Variants in DNPEP observed in about 807,000 individuals in gnomAD.
DNPEP encodes the protein aspartyl aminopeptidase.
In DNPEP, 46 loss-of-function variants were observed where a neutral mutation model predicts 59.1. The observed-to-expected ratio is 0.78, with a 90% CI of 0.61 to 0.99. The LOEUF (loss-of-function observed/expected upper bound fraction) is 0.99. DNPEP is among the 50% of genes least tolerant of loss of function. The pLI, the probability that DNPEP is intolerant of heterozygous loss-of-function variation, is 0.00. For synonymous variants in DNPEP, 229 were observed against 242.2 expected, an observed-to-expected ratio of 0.95 and a Z score of 0.50; for missense variants, 617 against 649.9, an observed-to-expected ratio of 0.95 and a Z score of 0.55.
rs920796528 is a variant in DNPEP, at chr2:219,373,927, G to C, written c.*365C>G. The C allele has an allele frequency of 5.4e-5, 13 of 241,496 alleles. No homozygotes were observed. Among genetic ancestry groups the C allele is most frequent in the Non-Finnish European group, 8.9e-5 (11 of 123,182 alleles). The allele number at this position is 241,496 out of a possible 1,614,324, so 15.0% of individuals were successfully genotyped here. ...GGCAGAGCGGGACACCCATTCTGGG[G>C]ATGGAAAGAGGGAAGACCGTTGAGG... On this transcript the variant is annotated 3_prime_UTR_variant, in exon 15 of 15. Coordinates refer to ENST00000273075, the MANE Select transcript of DNPEP (RefSeq NM_012100.4).
chr2:219,388,101 G>T (rs1357757162), upstream of DNPEP: 4 of 157,292 alleles, frequency 2.5e-5, no homozygotes, highest in South Asian at 4.3e-4. Context: ...CGCACCGCCC[G>T]CCCCGCCCCG....
upstream of DNPEP, chr2:219,388,140 G>T (rs1308030606): frequency 2.4e-5 from 4 of 166,606 alleles, no homozygotes; most frequent in Non-Finnish European, 4.1e-5. Flanking sequence ...CGCCCGCCCT[G>T]CCCCTCGCAG....
chr2:219,385,243 G>C, intron 8 of DNPEP, 181 bp downstream of exon 8: 1 of 574,160 alleles, frequency 1.7e-6, no homozygotes, highest in Non-Finnish European at 3.1e-6. Flanking sequence ...GTCTGGGGTA[G>C]GGAACTTGTC....
Position 219,385,621 on chromosome 2 carries a change from ACT to A in DNPEP, c.666+8_666+9del, listed in dbSNP as rs1297934952. ...CTGCCGCCCTCCCCATGATCAGGAG[ACT>A]CTCTTACCACAGCATTGAGAGGCCC... On this transcript the variant is annotated splice_region_variant and intron_variant, in intron 7 of 14. Coordinates refer to ENST00000273075, the MANE Select transcript of DNPEP (RefSeq NM_012100.4). 2.5e-6 allele frequency: 4 copies of A among 1,612,230 alleles called. No individual in the cohort carries two copies. The highest frequency in any genetic ancestry group is 1.7e-5 in the Admixed American group (1 of 59,884).
rs116351300 is a variant in DNPEP at position 219,381,970 on chromosome 2, G to C, written c.1097+9C>G. 13,829 of 1,613,908 alleles carry C rather than the reference G, an allele frequency of 8.6e-3. 86 individuals are homozygous for C. The highest frequency in any genetic ancestry group is 0.01 in the South Asian group (937 of 91,086). On this transcript the variant is annotated intron_variant, in intron 11 of 14. Transcript: ENST00000273075. The stretch of plus-strand genomic sequence containing the variant: ...TGTGAAGACTGTGTGACTGGCACTA[G>C]AGACTCACAGGTAGTTGGGATGCAC...
intron 1 of DNPEP, among the ~76,000 whole-genome samples, chr2:219,395,957 A>G (rs1954090005): frequency 6.6e-6 from 1 of 152,232 alleles, no homozygotes; most frequent in South Asian, 2.1e-4. Flanking sequence ...GAAATTTTGA[A>G]AAATAATTGT....
chr2:219,381,256 C>T, intron 13 of DNPEP, 79 bp downstream of exon 13: 3 of 1,298,004 alleles, frequency 2.3e-6, no homozygotes, highest in South Asian at 1.2e-5. Flanking sequence ...ACCAGGTTCC[C>T]TGTTCATGGG....
At chr2:219,390,017 C>G (rs989620841), upstream of DNPEP, among the ~76,000 whole-genome samples, 1 of 152,094 alleles carries the variant, frequency 6.6e-6, no homozygotes, top group Non-Finnish European at 1.5e-5. Context: ...AATGTTCTTT[C>G]TGATCACAGA....
intron 9 of DNPEP, 81 bp from the exon 10 acceptor site, chr2:219,383,295 C>G (rs561406506): frequency 1.0e-5 from 12 of 1,203,044 alleles, no homozygotes; most frequent in South Asian, 2.5e-5. Flanking sequence ...TGGGTGTGCA[C>G]GCTCCCCCAT....
chr2:219,399,900 A>G, intron 1 of DNPEP: 1 of 1,550,580 alleles, frequency 6.4e-7, no homozygotes, highest in Non-Finnish European at 8.7e-7. Context: ...GTTGGGGACG[A>G]ACATGATGGA....
upstream of DNPEP, among the ~76,000 whole-genome samples, chr2:219,392,366 A>T (rs371587087): frequency 2.7e-5 from 4 of 148,300 alleles, no homozygotes; most frequent in African/African-American, 1.0e-4. Context: ...TTTTTTATTG[A>T]GACGGAGTCT....
intron 8 of DNPEP, chr2:219,384,833 G>C (rs1457207944): frequency 5.1e-6 from 1 of 195,682 alleles, no homozygotes; most frequent in Non-Finnish European, 1.1e-5. Flanking sequence ...GCCTCCCAAA[G>C]TGCTGGGATT....
In DNPEP at chr2:219,374,014, AC is replaced by A; in HGVS notation, c.*277del. On this transcript the variant is annotated 3_prime_UTR_variant, in exon 15 of 15. Transcript: ENST00000273075. The stretch of plus-strand genomic sequence containing the variant: ...GACCTTCTGCTTGAGGATCCAGTCC[AC>A]CCTTCACCCACTTCAGACATGGACT... 2.4e-6 allele frequency: 1 copy of A among 419,804 alleles called. No homozygotes were observed. Among genetic ancestry groups the A allele is most frequent in the Non-Finnish European group, 4.3e-6 (1 of 231,418 alleles). 26.0% of individuals were successfully genotyped at this position (419,804 alleles called of 1,614,324 possible).
chr2:219,386,196 T>G, intron 5 of DNPEP, 90 bp downstream of exon 5: 2 of 1,609,662 alleles, frequency 1.2e-6, no homozygotes, highest in Non-Finnish European at 1.7e-6. Flanking sequence ...CTGACCAGAC[T>G]GCCCCCACCC....
rs1300066537 is a variant in DNPEP, at chr2:219,386,983, G to C, written c.131-3C>G. ...GCGGTTGCGGCATTCAGCCACAGCT[G>C]TGGGAAAAGCACCCTCTCACAGCGA... On this transcript the variant is annotated splice_polypyrimidine_tract_variant and splice_region_variant and intron_variant, in intron 2 of 14. Transcript: ENST00000273075. 3.1e-6 allele frequency: 5 copies of C among 1,613,882 alleles called. No individual in the cohort carries two copies. The highest frequency in any genetic ancestry group is 4.2e-6 in the Non-Finnish European group (5 of 1,180,006).
intron 1 of DNPEP, among the ~76,000 whole-genome samples, chr2:219,395,075 C>T (rs1954075133): frequency 6.6e-6 from 1 of 152,052 alleles, no homozygotes; most frequent in Non-Finnish European, 1.5e-5. Context: ...CCTGCCTCAG[C>T]CTCCTGAGGA....
At position 219,373,963 on chromosome 2, in the gene DNPEP, G is replaced by C. The variant is rs1953270992; in HGVS notation, c.*329C>G. The stretch of plus-strand genomic sequence containing the variant: ...GGAAGACCGTTGAGGCCATTTCCCA[G>C]GTGGAGGACTAGGGGTGGGAGAAGT... On this transcript the variant is annotated 3_prime_UTR_variant, in exon 15 of 15. Transcript: ENST00000273075. The C allele has an allele frequency of 3.2e-6, 1 of 313,832 alleles. No individual in the cohort carries two copies. The highest frequency in any genetic ancestry group is 6.0e-6 in the Non-Finnish European group (1 of 167,652). 19.4% of individuals were successfully genotyped at this position (313,832 alleles called of 1,614,324 possible).
At chr2:219,383,464 C>CTT (rs1411453635) in intron 9 of DNPEP, among the ~76,000 whole-genome samples, 1 of 149,806 alleles carries the variant, frequency 6.7e-6, no homozygotes, top group Non-Finnish European at 1.5e-5. Context: ...TGGTGAGGAC[C>CTT]TTTTTTTTCT....
chr2:219,394,870 G>A (rs1161172688), intron 1 of DNPEP, among the ~76,000 whole-genome samples: 1 of 152,056 alleles, frequency 6.6e-6, no homozygotes, highest in East Asian at 1.9e-4. Flanking sequence ...TCCCATCTCA[G>A]TGTTGTGCTG....
Sources: gnomAD v4.1 joint callset for allele counts (sites outside exome capture counted in the v4.1 genomes callset) on GRCh38, gnomAD v4.1.1 for gene constraint, MANE v1.5 for transcripts, NCBI Gene and HGNC (gene_info 2026-07-23, HGNC 2026-07-21) for gene names.